The following TENM3 variants were observed in gnomAD, a reference collection of about 807,000 sequenced individuals.
TENM3 encodes teneurin transmembrane protein 3, also known as teneurin-3.
Under a neutral mutation model 255.1 loss-of-function variants are expected in TENM3, and 63 were observed. The observed-to-expected ratio is 0.25, with a 90% CI of 0.20 to 0.30. TENM3 has a LOEUF of 0.30. TENM3 is among the 10% of genes least tolerant of loss of function. The probability of loss-of-function intolerance (pLI) is 1.00; values close to 1 mark genes in which losing one functional copy is unlikely to be tolerated. For missense variants in TENM3, 2,929 were observed against 3,461.1 expected (o/e 0.85, Z 3.86); for synonymous variants, 1,306 against 1,322.3 (o/e 0.99, Z 0.27).
At chr4:182,399,631 C>T (rs917478695) in intron 3 of TENM3, among the ~76,000 whole-genome samples, 1 of 152,210 alleles carries the variant, frequency 6.6e-6, no homozygotes, top group African/African-American at 2.4e-5. Context: ...TCTGCAATCT[C>T]TGTGTTATGC....
At chr4:182,242,278 A>G (rs1757331405), upstream of TENM3, among the ~76,000 whole-genome samples, 1 of 151,464 alleles carries the variant, frequency 6.6e-6, no homozygotes, top group Non-Finnish European at 1.5e-5. Flanking sequence ...CTCATTGTTC[A>G]GTTCCCACCT....
intron 3 of TENM3, among the ~76,000 whole-genome samples, chr4:182,569,025 G>A (rs889266229): frequency 6.6e-6 from 1 of 152,210 alleles, no homozygotes; most frequent in African/African-American, 2.4e-5. Flanking sequence ...GGGTAGAAGA[G>A]AACTTTCTGG....
intron 3 of TENM3, among the ~76,000 whole-genome samples, chr4:182,390,568 A>G (rs1347866706): frequency 6.6e-6 from 1 of 152,152 alleles, no homozygotes; most frequent in East Asian, 1.9e-4. Flanking sequence ...ATGGAATGAC[A>G]GTAAAATGTG....
chr4:182,057,910 C>T, the TENM3 span, among the ~76,000 whole-genome samples: 5 of 151,930 alleles, frequency 3.3e-5, no homozygotes, highest in Admixed American at 2.0e-4. Context: ...ATAAAGGCCT[C>T]AAGTGTTGAG....
rs1206046587 is a variant in TENM3, at chr4:182,793,686, T to C, written c.7014T>C (p.Phe2338=). ...TTGACTTTCAACTGGTAATTGGATT[T>C]CATGGTGGCCTGTATGACCCACTCA... ...SNIDFQLVIG[F]HGGLYDPLTK... The change falls in exon 26 of 28, where the codon TTT becomes TTC. Residue 2338 remains phenylalanine (F), a synonymous_variant. Transcript: ENST00000511685. The surrounding 1 kb of genome is among the most constrained non-coding windows in gnomAD (Gnocchi z 5.7). 1 of 1,614,012 alleles carries C rather than the reference T, an allele frequency of 6.2e-7. No individual in the cohort carries two copies. Among genetic ancestry groups the C allele is most frequent in the East Asian group, 2.2e-5 (1 of 44,888 alleles).
intron 3 of TENM3, among the ~76,000 whole-genome samples, chr4:182,502,059 G>A (rs1278154739): frequency 6.6e-6 from 1 of 152,168 alleles, no homozygotes; most frequent in African/African-American, 2.4e-5. Flanking sequence ...GAAATCACTT[G>A]TATGGAAACT....
At chr4:181,837,437 A>AT in the TENM3 span, among the ~76,000 whole-genome samples, 2 of 151,892 alleles carry the variant, frequency 1.3e-5, no homozygotes, top group Non-Finnish European at 2.9e-5. Context: ...TATTAAGTTT[A>AT]TTTTTTTCTC....
chr4:182,389,832 C>A (rs1382208041), intron 3 of TENM3, among the ~76,000 whole-genome samples: 1 of 151,930 alleles, frequency 6.6e-6, no homozygotes, highest in South Asian at 2.1e-4. Flanking sequence ...ACTACAGGCG[C>A]CCGCCACCAC....
At chr4:182,161,017 G>A (rs867673673) in intron 1 of TENM3, among the ~76,000 whole-genome samples, 43 of 151,834 alleles carry the variant, frequency 2.8e-4, no homozygotes, top group African/African-American at 1.0e-3. Flanking sequence ...GTGGTGGCTC[G>A]TCTGTAATCC....
chr4:181,508,593 A>C, the TENM3 span, among the ~76,000 whole-genome samples: 1 of 152,198 alleles, frequency 6.6e-6, no homozygotes, highest in African/African-American at 2.4e-5. Flanking sequence ...TAATACGTAC[A>C]TACACTTTTG....
chr4:181,666,543 G>T, the TENM3 span, among the ~76,000 whole-genome samples: 2 of 152,078 alleles, frequency 1.3e-5, no homozygotes, highest in South Asian at 4.1e-4. Flanking sequence ...CTGAGTCAGA[G>T]GCCAACTCTA....
At chr4:182,379,770 C>T (rs573676019) in intron 3 of TENM3, among the ~76,000 whole-genome samples, 20 of 152,300 alleles carry the variant, frequency 1.3e-4, no homozygotes, top group South Asian at 2.1e-4. Flanking sequence ...CCAGGTCCAC[C>T]GCTCACTAGC....
At chr4:181,910,174 CATAT>C in the TENM3 span, among the ~76,000 whole-genome samples, 1 of 152,082 alleles carries the variant, frequency 6.6e-6, no homozygotes, top group African/African-American at 2.4e-5. Context: ...TATATCCATG[CATAT>C]ATATAGTAGC....
the TENM3 span, among the ~76,000 whole-genome samples, chr4:182,045,106 T>C: frequency 3.0e-4 from 45 of 152,296 alleles, no homozygotes; most frequent in East Asian, 8.3e-3. Flanking sequence ...AAGGGAAAAG[T>C]TAGAGTTTTA....
intron 3 of TENM3, among the ~76,000 whole-genome samples, chr4:182,504,051 G>A (rs976623027): frequency 1.9e-4 from 29 of 151,440 alleles, no homozygotes; most frequent in African/African-American, 6.6e-4. Flanking sequence ...TTCCCAACTA[G>A]AATATTTGTA....
chr4:182,523,576 A>T (rs779870843), intron 3 of TENM3, among the ~76,000 whole-genome samples: 12 of 152,218 alleles, frequency 7.9e-5, no homozygotes, highest in African/African-American at 2.9e-4. Flanking sequence ...ATAACATGAC[A>T]TGTCATAACA....
the TENM3 span, among the ~76,000 whole-genome samples, chr4:181,769,843 G>T: frequency 6.6e-6 from 1 of 152,144 alleles, no homozygotes; most frequent in African/African-American, 2.4e-5. Flanking sequence ...CACCCCTTTT[G>T]TGGAGATTAT....
At chr4:181,669,726 C>A in the TENM3 span, among the ~76,000 whole-genome samples, 1 of 152,120 alleles carries the variant, frequency 6.6e-6, no homozygotes, top group African/African-American at 2.4e-5. Context: ...TCTATCTAGT[C>A]CTGACACACC....
At chr4:182,135,005 A>C in the TENM3 span, among the ~76,000 whole-genome samples, 3 of 151,920 alleles carry the variant, frequency 2.0e-5, no homozygotes, top group African/African-American at 7.3e-5. Flanking sequence ...CAGGAGATTG[A>C]GACCATCCTG....
Sources: gnomAD v4.1 joint callset for allele counts (sites outside exome capture counted in the v4.1 genomes callset) on GRCh38, gnomAD v4.1.1 for gene constraint, Gnocchi (gnomAD v3.1) non-coding constraint, MANE v1.5 for transcripts, NCBI Gene and HGNC (gene_info 2026-07-23, HGNC 2026-07-21) for gene names.